PRSS50: variants seen among roughly 807,000 people sequenced by gnomAD.
The protein encoded by PRSS50 is probable threonine protease PRSS50.
A neutral mutation model predicts 34.2 loss-of-function variants in PRSS50; 23 were observed. The observed-to-expected ratio is 0.67, with a 90% CI of 0.48 to 0.95. PRSS50 has a LOEUF of 0.95. Among genes scored for constraint, PRSS50 ranks in the 40% least tolerant of loss-of-function variants. The pLI, the probability that PRSS50 is intolerant of heterozygous loss-of-function variation, is 0.00. For missense variants in PRSS50, 484 were observed against 513.4 expected (o/e 0.94, Z 0.55); for synonymous variants, 224 against 211.2 (o/e 1.06, Z -0.53).
chr3:46,712,578 TC>T, intron 5 of PRSS50, 96 bp from the exon 6 acceptor site: 2 of 1,147,398 alleles, frequency 1.7e-6, no homozygotes, highest in Non-Finnish European at 2.6e-6. Flanking sequence ...ACACCACACC[TC>T]CACAGTCCCC....
chr3:46,714,311 A>C lies in PRSS50; in HGVS notation c.661T>G (p.Tyr221Asp), dbSNP rs1700653102. Residue 221 changes from tyrosine (Y) to aspartate (D), a missense_variant, in exon 4 of 6, where the codon TAC becomes GAC. Transcript: ENST00000315170. ...KLKQELKYSN[Y>D]VRPICLPGTD... is the part of the protein sequence containing the mutation. ...CCAGGCAGGCAGATGGGCCGCACGT[A>C]ATTGCTGTACTTGAGTTCCTGCTTG... 1 of 1,613,990 alleles carries C rather than the reference A, an allele frequency of 6.2e-7. No individual in the cohort carries two copies. Among genetic ancestry groups the C allele is most frequent in the Non-Finnish European group, 8.5e-7 (1 of 1,180,032 alleles).
Position 46,712,897 on chromosome 3 carries a change from T to C in PRSS50, c.921+4A>G. On this transcript the variant is annotated splice_donor_region_variant and intron_variant, in intron 5 of 5. Coordinates refer to ENST00000315170, the MANE Select transcript of PRSS50 (RefSeq NM_013270.5). ...AGGGGAGTGAGCGAGGAGAGGCCGC[T>C]CACATAGCAGAACTTCTCCCTGTGG... 1.2e-6 allele frequency: 2 copies of C among 1,612,998 alleles called. No homozygotes were observed. The highest frequency in any genetic ancestry group is 1.7e-6 in the Non-Finnish European group (2 of 1,179,580).
intron 4 of PRSS50, 83 bp from the exon 5 acceptor site, chr3:46,713,150 C>T: frequency 8.0e-6 from 12 of 1,499,934 alleles, no homozygotes; most frequent in Non-Finnish European, 1.1e-5. Flanking sequence ...TCCACTGTTC[C>T]CCACGTCCCA....
intron 4 of PRSS50, 115 bp downstream of exon 4, chr3:46,714,103 G>A: frequency 7.4e-7 from 1 of 1,354,546 alleles, no homozygotes; most frequent in Non-Finnish European, 1.0e-6. Flanking sequence ...GGTCCCGGGA[G>A]CGGCAGGCTC....
chr3:46,717,804 G>T lies in PRSS50; in HGVS notation c.21C>A (p.Thr7=), dbSNP rs771034105. 1 of 1,537,118 alleles carries T rather than the reference G, an allele frequency of 6.5e-7. No homozygotes were observed. Among genetic ancestry groups the T allele is most frequent in the Middle Eastern group, 2.3e-4 (1 of 4,332 alleles). ...TCCGGGGGCGCTGCCCGCGCGCGAC[G>T]GTCTGGCACCAGCGACCCATCCCGG... MGRWCQ[T]VARGQRPRTS... Residue 7 remains threonine (T), a synonymous_variant, in exon 1 of 6, where the codon ACC becomes ACA. Transcript: ENST00000315170. This position sits in a 1 kb window ranked among gnomAD's most constrained non-coding sequence, Gnocchi z 4.5.
rs538891928 is a variant in PRSS50 at position 46,715,503 on chromosome 3, T to G, written c.470+32A>C. 52 of 1,594,320 alleles carry G rather than the reference T, an allele frequency of 3.3e-5. No homozygotes were observed. The highest frequency in any genetic ancestry group is 4.5e-5 in the Non-Finnish European group (52 of 1,164,788). On this transcript the variant is annotated intron_variant, in intron 3 of 5. Transcript: ENST00000315170. The surrounding 1 kb of genome is among the most constrained non-coding windows in gnomAD (Gnocchi z 5.2). ...TGGGCCCACAGCAGCTCCAAATACC[T>G]CTCCACCCACCCCACCTCAGCCTTG...
At chr3:46,713,128 A>G (rs1242579315) in intron 4 of PRSS50, 61 bp from the exon 5 acceptor site, 1 of 1,577,520 alleles carries the variant, frequency 6.3e-7, no homozygotes, top group Non-Finnish European at 8.7e-7. Flanking sequence ...CGCCAGCCTC[A>G]CTCGTCCTCT....
In PRSS50 at chr3:46,714,341, T is replaced by G. The variant is rs758464196; in HGVS notation, c.631A>C (p.Lys211Gln). Residue 211 changes from lysine to glutamine, a missense_variant, in exon 4 of 6, where the codon AAG becomes CAG. Physicochemically the swap from Lys to Gln is moderately conservative, Grantham distance 53. Coordinates refer to ENST00000315170, the MANE Select transcript of PRSS50 (RefSeq NM_013270.5). ...CTGTACTTGAGTTCCTGCTTGAGCT[T>G]GAGGAGGCCGATGTCGTTGGCCTGG... ...VGQANDIGLL[K>Q]LKQELKYSNY... 22 of 1,613,920 alleles carry G rather than the reference T, an allele frequency of 1.4e-5. No individual in the cohort carries two copies.
rs1298857976 is a variant in PRSS50, at chr3:46,712,184, C to T, written c.*62G>A. On this transcript the variant is annotated 3_prime_UTR_variant, in exon 6 of 6. Transcript: ENST00000315170. ...CTGACTCTCAGGGCTGTGACAGCTG[C>T]ACCCACAGCAACCTGGGCACGGAGG... 15 of 1,396,040 alleles carry T rather than the reference C, an allele frequency of 1.1e-5. No individual in the cohort carries two copies. In the East Asian group the frequency reaches 1.2e-4, roughly 11 times the overall value. 86.5% of individuals were successfully genotyped at this position (1,396,040 alleles called of 1,614,324 possible). A position where few individuals can be genotyped will look rare whatever the true frequency, so the allele number is the denominator to read the frequency against.
Position 46,715,470 on chromosome 3 carries a change from G to A in PRSS50, c.470+65C>T. On this transcript the variant is annotated intron_variant, in intron 3 of 5. Coordinates refer to ENST00000315170, the MANE Select transcript of PRSS50 (RefSeq NM_013270.5). This position sits in a 1 kb window ranked among gnomAD's most constrained non-coding sequence, Gnocchi z 5.2. The stretch of plus-strand genomic sequence containing the variant: ...TGGGCCCAGAACAGCTGGCAGGGAG[G>A]GGATGACTGGGCCCACAGCAGCTCC... 1 of 1,559,808 alleles carries A rather than the reference G, an allele frequency of 6.4e-7. No individual in the cohort carries two copies. Among genetic ancestry groups the A allele is most frequent in the South Asian group, 1.2e-5 (1 of 84,648 alleles).
rs556248471 is a variant in PRSS50 at position 46,713,056 on chromosome 3, G to A, written c.766C>T (p.Gln256Ter). The change falls in exon 5 of 6, where the codon CAG becomes TAG. Residue 256 changes from glutamine to a stop codon, truncating the protein, a stop_gained. Coordinates refer to ENST00000315170, the MANE Select transcript of PRSS50 (RefSeq NM_013270.5). LOFTEE classifies it high-confidence loss of function. ...GLSKADGMWP[Q>*]FRTIQEKEVI... is the part of the protein sequence containing the mutation. ...TCCTTCTCCTGAATGGTCCGGAACT[G>A]AGGCCACATGCCTGTGGGACAGGGC... is the stretch of plus-strand genomic sequence containing the variant. 648 of 1,614,034 alleles carry A rather than the reference G, an allele frequency of 4.0e-4. 6 individuals carry two copies. In the South Asian group the frequency reaches 6.8e-3, roughly 17 times the overall value.
Position 46,713,217 on chromosome 3 carries a change from G to A in PRSS50, c.755-150C>T, listed in dbSNP as rs1230808525. The A allele has an allele frequency of 2.7e-5, 27 of 986,304 alleles. No individual in the cohort carries two copies. In the South Asian group the frequency reaches 4.3e-4, roughly 16 times the overall value. 61.1% of individuals were successfully genotyped at this position (986,304 alleles called of 1,614,324 possible). ...TCGTTCTAGCCCATACCCATCTAGG[G>A]CCCTCAACACAGAGCCCCCGGAGCA... On this transcript the variant is annotated intron_variant, in intron 4 of 5. Coordinates refer to ENST00000315170, the MANE Select transcript of PRSS50 (RefSeq NM_013270.5).
At position 46,713,105 on chromosome 3, in the gene PRSS50, C is replaced by G. The variant is rs372611822; in HGVS notation, c.755-38G>C. The G allele has an allele frequency of 3.1e-6, 5 of 1,606,454 alleles. No individual in the cohort carries two copies. In the South Asian group the frequency reaches 4.4e-5, roughly 14 times the overall value. Reference sequence around the variant, plus strand: ...GCCCCATTTAGGCGCAGCCACTCACCGCTGCCCACTACCGCCAGCCTCACT... The same window carrying G: ...GCCCCATTTAGGCGCAGCCACTCACGGCTGCCCACTACCGCCAGCCTCACT... On this transcript the variant is annotated intron_variant, in intron 4 of 5. Coordinates refer to ENST00000315170, the MANE Select transcript of PRSS50 (RefSeq NM_013270.5).
chr3:46,712,830 C>T (rs1700637131), intron 5 of PRSS50, 71 bp downstream of exon 5: 2 of 1,419,264 alleles, frequency 1.4e-6, no homozygotes, highest in South Asian at 2.4e-5. Context: ...CTCCACCGTT[C>T]CGCTCTCCCT....
In PRSS50 at chr3:46,717,782, G is replaced by A. The variant is rs1310799090; in HGVS notation, c.43C>T (p.Arg15Trp). ...CCGGCGCGGGAGGGGGCAGACGTCC[G>A]GGGGCGCTGCCCGCGCGCGACGGTC... ...CQTVARGQRP[R>W]TSAPSRAGAL... is the part of the protein sequence containing the mutation. Residue 15 changes from arginine (R) to tryptophan (W), a missense_variant, in exon 1 of 6, where the codon CGG becomes TGG. Physicochemically the swap from Arg to Trp is moderately radical, Grantham distance 101 (BLOSUM62 -3). Transcript: ENST00000315170. The surrounding 1 kb of genome is among the most constrained non-coding windows in gnomAD (Gnocchi z 4.5). The A allele has an allele frequency of 2.8e-5, 44 of 1,562,120 alleles. No homozygotes were observed. The highest frequency in any genetic ancestry group is 7.0e-5 in the South Asian group (6 of 85,170).
rs369502093 is a variant in PRSS50 at position 46,713,012 on chromosome 3, G to A, written c.810C>T (p.Asn270=). The change falls in exon 5 of 6, where the codon AAC becomes AAT. Residue 270 remains asparagine (N), a synonymous_variant. Transcript: ENST00000315170. ...TGTGGTAGAAATTGTCACACTCTTTGTTGTTCAGGATGATGACTTCCTTCT... is the reference window on the plus strand; with the variant it reads ...TGTGGTAGAAATTGTCACACTCTTTATTGTTCAGGATGATGACTTCCTTCT... The part of the protein sequence containing the change: ...IQEKEVIILN[N]KECDNFYHNF... 156 of 1,614,070 alleles carry A rather than the reference G, an allele frequency of 9.7e-5. No individual in the cohort carries two copies. The highest frequency in any genetic ancestry group is 1.3e-4 in the Non-Finnish European group (150 of 1,180,034).
Position 46,712,332 on chromosome 3 carries a change from T to A in PRSS50, c.1072A>T (p.Asn358Tyr). Residue 358 changes from asparagine to tyrosine, a missense_variant, in exon 6 of 6, where the codon AAC (asparagine) becomes TAC (tyrosine). Transcript: ENST00000315170. The stretch of plus-strand genomic sequence containing the variant: ...GCTGGCAGGGCCAGGGCCTGCCCGT[T>A]GAGGCAGTCCCAGATCCAGTGTTGG... ...SYQHWIWDCL[N>Y]GQALALPAPS... 6.2e-7 allele frequency: 1 copy of A among 1,613,706 alleles called. No homozygotes were observed. Among genetic ancestry groups the A allele is most frequent in the Non-Finnish European group, 8.5e-7 (1 of 1,179,906 alleles).
Position 46,717,345 on chromosome 3 carries a change from C to G in PRSS50, c.307+92G>C, listed in dbSNP as rs1700696381. 6 of 1,434,638 alleles carry G rather than the reference C, an allele frequency of 4.2e-6. No individual in the cohort carries two copies. The highest frequency in any genetic ancestry group is 2.3e-5 in the East Asian group (1 of 43,770). The allele number at this position is 1,434,638 out of a possible 1,614,324, so 88.9% of individuals were successfully genotyped here. On this transcript the variant is annotated intron_variant, in intron 2 of 5. Coordinates refer to ENST00000315170, the MANE Select transcript of PRSS50 (RefSeq NM_013270.5). This position sits in a 1 kb window ranked among gnomAD's most constrained non-coding sequence, Gnocchi z 4.5. ...AGGCGCTCCTCTATCCTGCTCGCCC[C>G]CGTCCCTTCTGCTCCCCTAGCCCCA...
At position 46,717,753 on chromosome 3, in the gene PRSS50, G is replaced by GT; in HGVS notation, c.71_72insA (p.Leu25ProfsTer27). The GT allele has an allele frequency of 6.3e-7, 1 of 1,582,434 alleles. No homozygotes were observed. The highest frequency in any genetic ancestry group is 1.8e-5 in the Admixed American group (1 of 56,870). On this transcript the variant is annotated frameshift_variant, in exon 1 of 6. Transcript: ENST00000315170. LOFTEE classifies it high-confidence loss of function. This position sits in a 1 kb window ranked among gnomAD's most constrained non-coding sequence, Gnocchi z 4.5. ...TCAGCAACAGAAGCAGCAGCAGCAG[G>GT]GCACCGGCGCGGGAGGGGGCAGACG... is the stretch of plus-strand genomic sequence containing the variant.
Sources: gnomAD v4.1 joint callset for allele counts on GRCh38, gnomAD v4.1.1 for gene constraint, Gnocchi (gnomAD v3.1) non-coding constraint, MANE v1.5 for transcripts, NCBI Gene and HGNC (gene_info 2026-07-23, HGNC 2026-07-21) for gene names.